Variants in SOS2 observed in about 807,000 individuals in gnomAD.
The protein encoded by SOS2 is son of sevenless homolog 2.
Under a neutral mutation model 148.2 loss-of-function variants are expected in SOS2, and 65 were observed. The observed-to-expected ratio is 0.44, with a 90% CI of 0.36 to 0.54. The LOEUF (loss-of-function observed/expected upper bound fraction) is 0.54, where lower values mean the gene tolerates loss of function less well. Ranked by LOEUF, SOS2 falls within the 20% of genes least tolerant of loss-of-function variation. The pLI is 0.00. For missense variants in SOS2, 1,341 were observed against 1,590.2 expected (o/e 0.84, Z 2.67); for synonymous variants, 539 against 537.1 (o/e 1.00, Z -0.05).
chr14:50,199,380 A>C (rs541072771), intron 4 of SOS2, among the ~76,000 whole-genome samples: 1 of 152,200 alleles, frequency 6.6e-6, no homozygotes. Flanking sequence ...CTTACACTTA[A>C]AAGTACCTGA....
chr14:50,175,911 A>C (rs1412422378), intron 7 of SOS2, among the ~76,000 whole-genome samples: 1 of 152,226 alleles, frequency 6.6e-6, no homozygotes, highest in East Asian at 1.9e-4. Context: ...TCCAGTAACC[A>C]AACTTCTTAC....
chr14:50,171,730 T>C (rs1373313368), intron 8 of SOS2, among the ~76,000 whole-genome samples: 1 of 150,270 alleles, frequency 6.7e-6, no homozygotes, highest in Non-Finnish European at 1.5e-5. Flanking sequence ...TATCAACAGA[T>C]GAATGGATAA....
intron 8 of SOS2, among the ~76,000 whole-genome samples, chr14:50,165,277 G>GT (rs1450970349): frequency 1.3e-5 from 2 of 152,034 alleles, no homozygotes; most frequent in East Asian, 3.8e-4. Flanking sequence ...ATCCTTTAAG[G>GT]TAATATTTTC....
chr14:50,215,467 G>C (rs1887017294), intron 1 of SOS2: 4 of 1,247,640 alleles, frequency 3.2e-6, no homozygotes, highest in Non-Finnish European at 2.1e-6. Flanking sequence ...TACCACGACA[G>C]AACCAATTTG....
At position 50,197,689 on chromosome 14, in the gene SOS2, C is replaced by CTTTTTTTTTTTTTTTTTT. The variant is rs35121759; in HGVS notation, c.510+1984_510+2001dup. On this transcript the variant is annotated intron_variant, in intron 4 of 22. Transcript: ENST00000216373. ...TCTTGAATAAAGTCAGCTTTACCAC[C>CTTTTTTTTTTTTTTTTTT]TTTTTTTTTTTTTTTTTTTGAAACA... Among the ~76,000 whole-genome samples the CTTTTTTTTTTTTTTTTTT allele has an allele frequency of 5.6e-5, 7 of 125,852 alleles. 2 individuals are homozygous for CTTTTTTTTTTTTTTTTTT. The highest frequency in any genetic ancestry group is 8.4e-5 in the Non-Finnish European group (5 of 59,740). 82.6% of individuals were successfully genotyped at this position (125,852 alleles called of 152,430 possible).
chr14:50,172,631 A>G (rs977616427), intron 8 of SOS2, among the ~76,000 whole-genome samples: 2 of 151,544 alleles, frequency 1.3e-5, no homozygotes, highest in African/African-American at 4.8e-5. Flanking sequence ...GGACTCCTAA[A>G]GTGCTGGGAT....
At chr14:50,179,818 A>G (rs1885673147) in intron 7 of SOS2, among the ~76,000 whole-genome samples, 1 of 152,094 alleles carries the variant, frequency 6.6e-6, no homozygotes, top group Admixed American at 6.6e-5. Flanking sequence ...TTCCTGAACC[A>G]ACTAACTTGC....
Position 50,134,192 on chromosome 14 carries a change from C to A in SOS2, c.3006G>T (p.Glu1002Asp). Residue 1002 changes from glutamate (E) to aspartate (D), a missense_variant, in exon 19 of 23, where the codon GAG becomes GAT. Physicochemically the swap from Glu to Asp is conservative, Grantham distance 45 (BLOSUM62 2). Transcript: ENST00000216373. ...LNPMGSASEKEFTDYLFNKSL... is the reference protein window; with the variant it reads ...LNPMGSASEKDFTDYLFNKSL... ...ACTTGTTGAACAAATAATCTGTAAACTCTTTTTCAGATGCACTTCCCATGG... is the reference window on the plus strand; with the variant it reads ...ACTTGTTGAACAAATAATCTGTAAAATCTTTTTCAGATGCACTTCCCATGG... 2.5e-6 allele frequency: 4 copies of A among 1,608,930 alleles called. No homozygotes were observed. The highest frequency in any genetic ancestry group is 2.6e-6 in the Non-Finnish European group (3 of 1,175,986).
chr14:50,169,986 C>T (rs949123758), intron 8 of SOS2, among the ~76,000 whole-genome samples: 3 of 151,968 alleles, frequency 2.0e-5, no homozygotes, highest in Admixed American at 6.6e-5. Context: ...AGTGTACTGA[C>T]GTAAACATGG....
At chr14:50,206,358 C>T (rs1317670162) in intron 1 of SOS2, among the ~76,000 whole-genome samples, 2 of 152,178 alleles carry the variant, frequency 1.3e-5, no homozygotes, top group African/African-American at 4.8e-5. Context: ...TTCCAGGACA[C>T]CTGTGGATAC....
intron 8 of SOS2, among the ~76,000 whole-genome samples, chr14:50,163,471 T>G (rs1885076375): frequency 6.6e-6 from 1 of 152,158 alleles, no homozygotes; most frequent in Non-Finnish European, 1.5e-5. Context: ...CCATTTGATT[T>G]TATTTCAAGA....
chr14:50,150,824 G>A (rs554437556), intron 13 of SOS2, among the ~76,000 whole-genome samples: 23 of 152,218 alleles, frequency 1.5e-4, no homozygotes, highest in Non-Finnish European at 2.9e-4. Flanking sequence ...CCGGGTTCAA[G>A]CGATTCTCCT....
At chr14:50,212,217 T>C (rs941677892) in intron 1 of SOS2, among the ~76,000 whole-genome samples, 4 of 152,286 alleles carry the variant, frequency 2.6e-5, no homozygotes, top group African/African-American at 9.6e-5. Flanking sequence ...GGCTCGCGCC[T>C]ATAATCCCAG....
At chr14:50,159,410 G>A (rs755863869) in intron 10 of SOS2, 21 bp downstream of exon 10, 1 of 1,534,248 alleles carries the variant, frequency 6.5e-7, no homozygotes, top group Non-Finnish European at 8.9e-7. Context: ...TAGGTCAGCA[G>A]TTGTAATGAG....
intron 1 of SOS2, among the ~76,000 whole-genome samples, chr14:50,205,990 T>C (rs1173956624): frequency 1.3e-5 from 2 of 152,124 alleles, no homozygotes; most frequent in East Asian, 3.8e-4. Flanking sequence ...TAAAAATCCC[T>C]TCTTTCATTT....
intron 8 of SOS2, among the ~76,000 whole-genome samples, chr14:50,171,716 G>A (rs939464804): frequency 2.0e-5 from 3 of 149,068 alleles, no homozygotes; most frequent in African/African-American, 7.4e-5. Flanking sequence ...AAAATTCAAC[G>A]GTCTATCAAC....
intron 8 of SOS2, among the ~76,000 whole-genome samples, chr14:50,170,578 T>TG (rs1885328374): frequency 6.6e-6 from 1 of 151,788 alleles, no homozygotes; most frequent in African/African-American, 2.4e-5. Flanking sequence ...CCTAGCTACG[T>TG]GGGAGGGTCG....
intron 8 of SOS2, among the ~76,000 whole-genome samples, chr14:50,166,729 T>C (rs1361655288): frequency 6.6e-6 from 1 of 152,188 alleles, no homozygotes; most frequent in African/African-American, 2.4e-5. Context: ...ACATCTACTA[T>C]GGACATATGT....
chr14:50,227,696 T>C (rs1887422287), intron 1 of SOS2, among the ~76,000 whole-genome samples: 1 of 152,232 alleles, frequency 6.6e-6, no homozygotes, highest in Non-Finnish European at 1.5e-5. Flanking sequence ...CAAATGGGAT[T>C]ACAGGCATGA....
Sources: gnomAD v4.1 joint callset for allele counts (sites outside exome capture counted in the v4.1 genomes callset) on GRCh38, gnomAD v4.1.1 for gene constraint, MANE v1.5 for transcripts, NCBI Gene and HGNC (gene_info 2026-07-23, HGNC 2026-07-21) for gene names.